CDH12: variants seen among roughly 807,000 people sequenced by gnomAD.
CDH12 encodes cadherin 12, also known as cadherin-12.
Under a neutral mutation model 74.1 loss-of-function variants are expected in CDH12, and 41 were observed. The ratio of observed to expected loss-of-function variants is 0.55; its 90% confidence interval spans 0.43 to 0.72. The LOEUF (loss-of-function observed/expected upper bound fraction) is 0.72, where lower values mean the gene tolerates loss of function less well. CDH12 is among the 30% of genes least tolerant of loss of function. CDH12 has a pLI of 0.00. For synonymous variants in CDH12, 399 were observed against 355.0 expected (o/e 1.12, Z -1.39); for missense variants, 945 against 977.2 (o/e 0.97, Z 0.44).
chr5:22,092,550 G>A lies in CDH12; in HGVS notation c.-186-13688C>T, dbSNP rs976790846. Among the ~76,000 whole-genome samples the A allele has an allele frequency of 4.6e-5, 7 of 152,148 alleles. 1 individual carries two copies. Among genetic ancestry groups the A allele is most frequent in the Admixed American group, 3.3e-4 (5 of 15,292 alleles). ...ATTAGTCACTAGGAAAATGCAAATC[G>A]AAAACCACAGTGAAGATGGCTATAA... On this transcript the variant is annotated intron_variant, in intron 4 of 14. Coordinates refer to ENST00000382254, the MANE Select transcript of CDH12 (RefSeq NM_004061.5).
At chr5:22,841,959 G>A (rs1011571260) in intron 1 of CDH12, among the ~76,000 whole-genome samples, 7 of 152,198 alleles carry the variant, frequency 4.6e-5, no homozygotes, top group South Asian at 2.1e-4. Context: ...ACATGGTTCC[G>A]CATGCATCCC....
At chr5:22,018,081 C>T (rs935456378) in intron 5 of CDH12, among the ~76,000 whole-genome samples, 4 of 151,932 alleles carry the variant, frequency 2.6e-5, no homozygotes, top group Non-Finnish European at 5.9e-5. Context: ...ATATTTAGTC[C>T]AGGTTATCTG....
intron 13 of CDH12, among the ~76,000 whole-genome samples, chr5:21,757,069 T>G (rs1744438857): frequency 6.6e-6 from 1 of 152,112 alleles, no homozygotes; most frequent in Admixed American, 6.6e-5. Flanking sequence ...CTAATAGAAA[T>G]AGAATGTCTG....
At chr5:21,755,474 G>A in intron 14 of CDH12, 117 bp downstream of exon 14, 1 of 815,912 alleles carries the variant, frequency 1.2e-6, no homozygotes, top group Non-Finnish European at 1.9e-6. Context: ...GGTATGACAT[G>A]TCAATGAATA....
intron 2 of CDH12, among the ~76,000 whole-genome samples, chr5:22,470,396 T>TTTTTATTTTATTTTA (rs1318185392): frequency 4.7e-5 from 7 of 148,258 alleles, no homozygotes; most frequent in African/African-American, 9.9e-5. Flanking sequence ...GTTACAATTA[T>TTTTTATTTTATTTTA]TTTTATTTTA....
rs539732414 is a variant in CDH12, at chr5:21,988,428, G to A, written c.232-13043C>T. ...AATGGCGTGAACCCAGGAGGCGGAG[G>A]TTGCAGTGAGCCAAGATCATTGCAC... On this transcript the variant is annotated intron_variant, in intron 5 of 14. Transcript: ENST00000382254. Among the ~76,000 whole-genome samples, 28 of 141,656 alleles carry A rather than the reference G, an allele frequency of 2.0e-4. No individual in the cohort carries two copies. In the East Asian group the frequency reaches 5.6e-3, roughly 28 times the overall value. 92.9% of individuals were successfully genotyped at this position (141,656 alleles called of 152,430 possible).
At chr5:21,996,393 C>G (rs1210165417) in intron 5 of CDH12, among the ~76,000 whole-genome samples, 6 of 152,162 alleles carry the variant, frequency 3.9e-5, no homozygotes, top group African/African-American at 1.4e-4. Flanking sequence ...GGTCTTCATG[C>G]ATGGCTTCTG....
chr5:22,323,456 T>C (rs1293801821), intron 3 of CDH12, among the ~76,000 whole-genome samples: 1 of 152,178 alleles, frequency 6.6e-6, no homozygotes, highest in Non-Finnish European at 1.5e-5. Context: ...TGCAGTTAAT[T>C]TTATCTATTT....
chr5:22,045,614 A>T (rs1357177376), intron 5 of CDH12, among the ~76,000 whole-genome samples: 2 of 151,922 alleles, frequency 1.3e-5, no homozygotes, highest in Admixed American at 1.3e-4. Context: ...AAAAAAAAAA[A>T]AAACAATAAA....
At chr5:22,775,968 C>T (rs1324703249) in intron 1 of CDH12, among the ~76,000 whole-genome samples, 1 of 152,002 alleles carries the variant, frequency 6.6e-6, no homozygotes, top group East Asian at 1.9e-4. Context: ...TTGCCTCTTC[C>T]TCATTTTTCT....
intron 1 of CDH12, among the ~76,000 whole-genome samples, chr5:22,844,577 C>T (rs1737218499): frequency 6.6e-6 from 1 of 152,082 alleles, no homozygotes; most frequent in African/African-American, 2.4e-5. Flanking sequence ...AAAGAACATT[C>T]TTTGATACTT....
chr5:22,350,481 A>G (rs1352180376), intron 3 of CDH12, among the ~76,000 whole-genome samples: 16 of 152,132 alleles, frequency 1.1e-4, no homozygotes, highest in Non-Finnish European at 2.2e-4. Context: ...CTCTTTTTTA[A>G]TGTTTTTATT....
intron 2 of CDH12, among the ~76,000 whole-genome samples, chr5:22,444,448 G>A (rs926747653): frequency 6.6e-6 from 1 of 151,782 alleles, no homozygotes; most frequent in African/African-American, 2.4e-5. Flanking sequence ...TAACTGGGAT[G>A]AAATGATATG....
intron 1 of CDH12, among the ~76,000 whole-genome samples, chr5:22,834,251 A>T (rs988300514): frequency 2.1e-4 from 32 of 152,130 alleles, no homozygotes; most frequent in African/African-American, 7.5e-4. Flanking sequence ...CTTATATTTG[A>T]CAGCCAGGAT....
intron 1 of CDH12, among the ~76,000 whole-genome samples, chr5:22,767,440 T>G (rs1746575042): frequency 1.3e-5 from 2 of 152,142 alleles, no homozygotes; most frequent in South Asian, 4.1e-4. Context: ...CAATTGAACT[T>G]GGAAAATAAA....
chr5:22,844,944 C>G (rs1737233443), intron 1 of CDH12, among the ~76,000 whole-genome samples: 1 of 152,090 alleles, frequency 6.6e-6, no homozygotes, highest in South Asian at 2.1e-4. Context: ...AATACTGATT[C>G]TTCTCTGTTC....
intron 1 of CDH12, among the ~76,000 whole-genome samples, chr5:22,563,465 T>C (rs1020580453): frequency 1.3e-5 from 2 of 152,158 alleles, no homozygotes; most frequent in African/African-American, 4.8e-5. Flanking sequence ...TTCTTATATA[T>C]TCTGGTTGTT....
chr5:22,247,866 G>A (rs1753008960), intron 3 of CDH12, among the ~76,000 whole-genome samples: 1 of 152,070 alleles, frequency 6.6e-6, no homozygotes. Context: ...ATGCACAGAG[G>A]TATGTGGCCA....
intron 1 of CDH12, among the ~76,000 whole-genome samples, chr5:22,795,014 A>C (rs562743531): frequency 6.6e-6 from 1 of 152,162 alleles, no homozygotes; most frequent in East Asian, 1.9e-4. Context: ...CAAAAAATGA[A>C]GGTAATTTCA....
Sources: gnomAD v4.1 joint callset for allele counts (sites outside exome capture counted in the v4.1 genomes callset) on GRCh38, gnomAD v4.1.1 for gene constraint, MANE v1.5 for transcripts, NCBI Gene and HGNC (gene_info 2026-07-23, HGNC 2026-07-21) for gene names.